PCBP3: variants seen among roughly 807,000 people sequenced by gnomAD.
The protein encoded by PCBP3 is poly(rC)-binding protein 3.
PCBP3 carries 25 observed loss-of-function variants against 52.7 expected under a neutral mutation model. The observed-to-expected ratio is 0.47, with a 90% CI of 0.35 to 0.66. The LOEUF is 0.66. Among genes scored for constraint, PCBP3 ranks in the 30% least tolerant of loss-of-function variants. PCBP3 has a pLI of 0.01. For missense variants in PCBP3, 391 were observed against 490.3 expected (o/e 0.80, Z 1.91); for synonymous variants, 162 against 183.0 (o/e 0.89, Z 0.93).
At position 45,736,153 on chromosome 21, in the gene PCBP3, T is replaced by C. The variant is rs565925404; in HGVS notation, c.-162+724T>C. On this transcript the variant is annotated intron_variant, in intron 3 of 17. Coordinates refer to ENST00000681687, the MANE Select transcript of PCBP3 (RefSeq NM_001384156.1). The surrounding 1 kb of genome is among the most constrained non-coding windows in gnomAD (Gnocchi z 4.6). Reference sequence around the variant, plus strand: ...GAGTCATGATGGCTGCTGATGCTGATGAAGTAGTACCAGCCAGCCTGATTT... The same window carrying C: ...GAGTCATGATGGCTGCTGATGCTGACGAAGTAGTACCAGCCAGCCTGATTT... Among the ~76,000 whole-genome samples the C allele has an allele frequency of 2.6e-5, 4 of 152,370 alleles. No individual in the cohort carries two copies. The South Asian group carries it at 8.3e-4, about 32-fold the overall frequency.
intron 1 of PCBP3, among the ~76,000 whole-genome samples, chr21:45,644,420 T>C (rs903630143): frequency 1.3e-5 from 2 of 152,030 alleles, no homozygotes; most frequent in Admixed American, 1.3e-4. Context: ...GCTCGCTGTG[T>C]TTTATTTTAA....
At chr21:45,861,663 A>G (rs1189239199) in intron 5 of PCBP3, among the ~76,000 whole-genome samples, 1 of 152,114 alleles carries the variant, frequency 6.6e-6, no homozygotes. Context: ...GTGCTTGCAG[A>G]CCGCACCGAG....
At chr21:45,771,791 A>G (rs1315155314) in intron 4 of PCBP3, among the ~76,000 whole-genome samples, 1 of 152,210 alleles carries the variant, frequency 6.6e-6, no homozygotes, top group East Asian at 1.9e-4. Context: ...ATTGGAATTG[A>G]AAAAGAAGAA....
intron 4 of PCBP3, among the ~76,000 whole-genome samples, chr21:45,844,267 G>A (rs2093758490): frequency 6.6e-6 from 1 of 151,988 alleles, no homozygotes; most frequent in Non-Finnish European, 1.5e-5. Context: ...CCCCACTTTA[G>A]GGAGGTCTTG....
chr21:45,651,604 CAA>C (rs2079687939), intron 1 of PCBP3, among the ~76,000 whole-genome samples: 1 of 151,996 alleles, frequency 6.6e-6, no homozygotes, highest in Non-Finnish European at 1.5e-5. Context: ...CATACTATTC[CAA>C]AGAGTGTCCC....
intron 4 of PCBP3, among the ~76,000 whole-genome samples, chr21:45,814,909 GGTGAGTGATGAGTGAGTGGTGAGTA>G (rs1384745004): frequency 2.9e-5 from 4 of 137,356 alleles, no homozygotes; most frequent in African/African-American, 1.1e-4. Flanking sequence ...GTGAGTGAGT[GGTGAGTGATGAGTGAGTGGTGAGTA>G]GTGAGTGATG....
chr21:45,687,886 A>C (rs1342240654), intron 2 of PCBP3, among the ~76,000 whole-genome samples: 3 of 151,798 alleles, frequency 2.0e-5, no homozygotes, highest in African/African-American at 7.3e-5. Context: ...AGCCACCACC[A>C]CACCTGGCTA....
intron 5 of PCBP3, among the ~76,000 whole-genome samples, chr21:45,857,052 T>C (rs2094326779): frequency 6.6e-6 from 1 of 152,232 alleles, no homozygotes; most frequent in Non-Finnish European, 1.5e-5. Context: ...AGACAGTCGA[T>C]GACAAATGCT....
At chr21:45,898,331 C>T (rs2095889197) in intron 6 of PCBP3, among the ~76,000 whole-genome samples, 1 of 79,488 alleles carries the variant, frequency 1.3e-5, no homozygotes, top group Non-Finnish European at 2.6e-5. Flanking sequence ...ACACCGTCCT[C>T]ACAGCCTCCC....
intron 4 of PCBP3, among the ~76,000 whole-genome samples, chr21:45,775,488 G>A (rs1416841325): frequency 2.0e-5 from 3 of 152,126 alleles, no homozygotes; most frequent in African/African-American, 4.8e-5. Context: ...CATGATCACA[G>A]CTCACTGCAG....
intron 16 of PCBP3, among the ~76,000 whole-genome samples, chr21:45,939,056 C>T (rs2077175005): frequency 6.6e-6 from 1 of 152,246 alleles, no homozygotes; most frequent in South Asian, 2.1e-4. Context: ...ACCGTTCTGA[C>T]ACCCCAGCAG....
intron 4 of PCBP3, among the ~76,000 whole-genome samples, chr21:45,807,015 T>C (rs967138050): frequency 2.6e-5 from 4 of 152,230 alleles, no homozygotes; most frequent in Non-Finnish European, 5.9e-5. Context: ...CCCATTTTCC[T>C]TTCAAGAAAG....
At chr21:45,792,320 C>T (rs2091653305) in intron 4 of PCBP3, among the ~76,000 whole-genome samples, 1 of 152,350 alleles carries the variant, frequency 6.6e-6, no homozygotes, top group East Asian at 1.9e-4. Context: ...GGGGCGGGCT[C>T]AGTGGAGGGT....
intron 2 of PCBP3, among the ~76,000 whole-genome samples, chr21:45,679,999 A>G (rs1319471315): frequency 6.6e-6 from 1 of 152,194 alleles, no homozygotes; most frequent in African/African-American, 2.4e-5. Flanking sequence ...CATTTGAGAA[A>G]CTCATTTCTC....
At chr21:45,893,555 C>G (rs2095737861) in intron 5 of PCBP3, among the ~76,000 whole-genome samples, 1 of 48,776 alleles carries the variant, frequency 2.1e-5, no homozygotes, top group Non-Finnish European at 3.7e-5. Flanking sequence ...GTCCACAGAC[C>G]CCCTGGGCAA....
At chr21:45,674,028 T>C (rs2081322962) in intron 2 of PCBP3, among the ~76,000 whole-genome samples, 1 of 152,182 alleles carries the variant, frequency 6.6e-6, no homozygotes, top group Admixed American at 6.5e-5. Context: ...GGTGCTAGAC[T>C]GCTGGTTTGA....
At chr21:45,876,693 G>A (rs756398590) in intron 5 of PCBP3, among the ~76,000 whole-genome samples, 11 of 152,232 alleles carry the variant, frequency 7.2e-5, no homozygotes, top group Non-Finnish European at 1.2e-4. Context: ...CATTTCCGCC[G>A]TCCTGGCCTC....
intron 4 of PCBP3, among the ~76,000 whole-genome samples, chr21:45,809,110 G>C (rs1306613954): frequency 1.3e-5 from 2 of 152,146 alleles, no homozygotes; most frequent in East Asian, 3.8e-4. Context: ...GATGGGTGCA[G>C]CAAACCACCA....
chr21:45,857,820 A>C (rs2094358660), intron 5 of PCBP3, among the ~76,000 whole-genome samples: 1 of 152,194 alleles, frequency 6.6e-6, no homozygotes, highest in Non-Finnish European at 1.5e-5. Context: ...GAAAGCCTCA[A>C]GCCCTGGTGC....
Sources: allele counts gnomAD v4.1 joint callset (sites outside exome capture counted in the v4.1 genomes callset), GRCh38; gene constraint gnomAD v4.1.1; non-coding constraint Gnocchi (gnomAD v3.1); transcripts MANE v1.5; gene names NCBI Gene and HGNC (gene_info 2026-07-23, HGNC 2026-07-21).